OSBPL3: variants seen among roughly 807,000 people sequenced by gnomAD.
OSBPL3 encodes the protein oxysterol-binding protein-related protein 3.
In OSBPL3, 65 loss-of-function variants were observed where a neutral mutation model predicts 120.1. The ratio of observed to expected loss-of-function variants is 0.54; its 90% CI spans 0.44 to 0.67. The LOEUF is 0.67. Among genes scored for constraint, OSBPL3 ranks in the 30% least tolerant of loss-of-function variants. The pLI, the probability that OSBPL3 is intolerant of heterozygous loss-of-function variation, is 0.00. For missense variants in OSBPL3, 1,004 were observed against 1,082.1 expected (o/e 0.93, Z 1.01); for synonymous variants, 416 against 402.6 (o/e 1.03, Z -0.40).
intron 12 of OSBPL3, among the ~76,000 whole-genome samples, chr7:24,848,169 C>CGAAG (rs1295798472): frequency 8.5e-5 from 13 of 152,148 alleles, no homozygotes; most frequent in African/African-American, 2.9e-4. Flanking sequence ...ACAATGGCTT[C>CGAAG]CCAAGGAGTG....
Position 24,822,873 on chromosome 7 carries a change from G to C in OSBPL3, c.1885-2635C>G, listed in dbSNP as rs947437929. ...ATGAATGTTTAGCAGATTATGTTTA[G>C]ATGGGTTCAACACATTTTCTGAATA... is the stretch of plus-strand genomic sequence containing the variant. On this transcript the variant is annotated intron_variant, in intron 16 of 22. Coordinates refer to ENST00000313367, the MANE Select transcript of OSBPL3 (RefSeq NM_015550.4). The surrounding 1 kb of genome is among the most constrained non-coding windows in gnomAD (Gnocchi z 5.8). Among the ~76,000 whole-genome samples, 3 of 152,160 alleles carry C rather than the reference G, an allele frequency of 2.0e-5. No homozygotes were observed. The highest frequency in any genetic ancestry group is 4.4e-5 in the Non-Finnish European group (3 of 68,036).
intron 13 of OSBPL3, among the ~76,000 whole-genome samples, chr7:24,841,937 T>C (rs1032431404): frequency 6.6e-6 from 1 of 151,444 alleles, no homozygotes; most frequent in Non-Finnish European, 1.5e-5. Flanking sequence ...CACTTGAACC[T>C]GGGAGCCGGA....
At position 24,867,051 on chromosome 7, in the gene OSBPL3, C is replaced by T. The variant is rs544146518; in HGVS notation, c.382-814G>A. On this transcript the variant is annotated intron_variant, in intron 5 of 22. Transcript: ENST00000313367. The surrounding 1 kb of genome is among the most constrained non-coding windows in gnomAD (Gnocchi z 4.5). ...TCCTGACCTGGTGATCTGCCCGCCTCGGCCTCCCAAAGTGCTGGGATTACA... is the reference window on the plus strand; with the variant it reads ...TCCTGACCTGGTGATCTGCCCGCCTTGGCCTCCCAAAGTGCTGGGATTACA... 4.6e-5 allele frequency among the ~76,000 whole-genome samples: 7 copies of T among 152,344 alleles called. No individual in the cohort carries two copies. The highest frequency in any genetic ancestry group is 2.0e-4 in the Admixed American group (3 of 15,314).
chr7:24,931,566 T>C (rs377192886), intron 1 of OSBPL3, among the ~76,000 whole-genome samples: 5 of 152,178 alleles, frequency 3.3e-5, no homozygotes, highest in African/African-American at 9.7e-5. Flanking sequence ...AGAAAAAGCA[T>C]GGAAGTGAAT....
At chr7:24,971,405 C>A (rs1817009926) in intron 1 of OSBPL3, among the ~76,000 whole-genome samples, 1 of 152,222 alleles carries the variant, frequency 6.6e-6, no homozygotes, top group African/African-American at 2.4e-5. Flanking sequence ...GAGAGGCAAG[C>A]CCGGGCACAG....
chr7:24,945,934 T>A (rs974465605), intron 1 of OSBPL3, among the ~76,000 whole-genome samples: 2 of 152,206 alleles, frequency 1.3e-5, no homozygotes, highest in Non-Finnish European at 2.9e-5. Flanking sequence ...TAGCAGCTAT[T>A]TTATCTGGCT....
rs527605070 is a variant in OSBPL3 at position 24,899,798 on chromosome 7, CAA to C, written c.-149-7179_-149-7178del. On this transcript the variant is annotated intron_variant, in intron 1 of 22. Transcript: ENST00000313367. This position sits in a 1 kb window ranked among gnomAD's most constrained non-coding sequence, Gnocchi z 4.0. The stretch of plus-strand genomic sequence containing the variant: ...TCAAAGTGTCCAGATCCACCTTCTT[CAA>C]AGTCTTCCGGATTCTTATTTAAGAT... Among the ~76,000 whole-genome samples the C allele has an allele frequency of 9.7e-4, 148 of 152,362 alleles. No homozygotes were observed. Among genetic ancestry groups the C allele is most frequent in the African/African-American group, 3.4e-3 (142 of 41,580 alleles).
Position 24,800,250 on chromosome 7 carries a change from T to C in OSBPL3, c.2597A>G (p.Asn866Ser). Residue 866 changes from asparagine to serine, a missense_variant, in exon 23 of 23, where the codon AAC becomes AGC. Asn to Ser is a conservative substitution (Grantham distance 46). Transcript: ENST00000313367. ...TTTTCTAAGTTCCAAATAGGTGCCG[T>C]TGCTCACCCAAGAGTCATCGTCGGA... ...RKSDDDSWVS[N>S]GTYLELRKDL... is the part of the protein sequence containing the mutation. 2 of 1,611,980 alleles carry C rather than the reference T, an allele frequency of 1.2e-6. No homozygotes were observed. The highest frequency in any genetic ancestry group is 1.7e-6 in the Non-Finnish European group (2 of 1,178,180).
At position 24,820,112 on chromosome 7, in the gene OSBPL3, G is replaced by T; in HGVS notation, c.1948+63C>A. On this transcript the variant is annotated intron_variant, in intron 17 of 22. Transcript: ENST00000313367. The surrounding 1 kb of genome is among the most constrained non-coding windows in gnomAD (Gnocchi z 4.6). ...TCAGTAAGAATTGACAGCAATTCTT[G>T]GATAAAATAAATAGATAACATATTA... 8 of 1,219,980 alleles carry T rather than the reference G, an allele frequency of 6.6e-6. No homozygotes were observed. The highest frequency in any genetic ancestry group is 7.1e-6 in the Non-Finnish European group (6 of 840,602). 75.6% of individuals were successfully genotyped at this position (1,219,980 alleles called of 1,614,324 possible).
At chr7:24,847,728 G>A (rs1798614437) in intron 12 of OSBPL3, among the ~76,000 whole-genome samples, 1 of 152,152 alleles carries the variant, frequency 6.6e-6, no homozygotes, top group African/African-American at 2.4e-5. Context: ...CTGAAAACAT[G>A]CACAAACTCC....
In OSBPL3 at chr7:24,831,452, A is replaced by C. The variant is rs1796354652; in HGVS notation, c.1747-547T>G. 6.6e-6 allele frequency among the ~76,000 whole-genome samples: 1 copy of C among 152,196 alleles called. No individual in the cohort carries two copies. Among genetic ancestry groups the C allele is most frequent in the Non-Finnish European group, 1.5e-5 (1 of 68,026 alleles). On this transcript the variant is annotated intron_variant, in intron 15 of 22. Transcript: ENST00000313367. The surrounding 1 kb of genome is among the most constrained non-coding windows in gnomAD (Gnocchi z 4.0). ...GGGAAACAAGCCACAGGATATAGTG[A>C]CTTTAAAGTTCTGCTTTTTTGGGAG...
At chr7:24,942,518 C>G (rs1343915863) in intron 1 of OSBPL3, among the ~76,000 whole-genome samples, 2 of 152,158 alleles carry the variant, frequency 1.3e-5, no homozygotes, top group African/African-American at 4.8e-5. Flanking sequence ...ATCCTGCTAT[C>G]AGGTCTCATC....
chr7:24,911,771 A>G (rs1808856980), intron 1 of OSBPL3, among the ~76,000 whole-genome samples: 1 of 152,208 alleles, frequency 6.6e-6, no homozygotes, highest in East Asian at 1.9e-4. Flanking sequence ...AGGAAGTTTT[A>G]CTCACTTCTA....
chr7:24,949,851 C>T (rs140198930), intron 1 of OSBPL3, among the ~76,000 whole-genome samples: 1 of 152,348 alleles, frequency 6.6e-6, no homozygotes, highest in Non-Finnish European at 1.5e-5. Flanking sequence ...GCTCCCTCAG[C>T]GCTGCTTCCT....
chr7:24,871,083 G>A lies in OSBPL3; in HGVS notation c.268-238C>T, dbSNP rs1802040755. Among the ~76,000 whole-genome samples, 1 of 152,200 alleles carries A rather than the reference G, an allele frequency of 6.6e-6. No homozygotes were observed. Among genetic ancestry groups the A allele is most frequent in the African/African-American group, 2.4e-5 (1 of 41,468 alleles). ...AGAAACTGGAGTACAAAGGGGTTAA[G>A]TAACAAGCAGTTTACACAGCCAGGA... On this transcript the variant is annotated intron_variant, in intron 4 of 22. Coordinates refer to ENST00000313367, the MANE Select transcript of OSBPL3 (RefSeq NM_015550.4). The surrounding 1 kb of genome is among the most constrained non-coding windows in gnomAD (Gnocchi z 4.8).
At chr7:24,823,938 T>A (rs1340137519) in intron 16 of OSBPL3, among the ~76,000 whole-genome samples, 1 of 152,226 alleles carries the variant, frequency 6.6e-6, no homozygotes, top group Non-Finnish European at 1.5e-5. Context: ...AGGATTTTGG[T>A]TGAGTCTGTA....
Position 24,947,992 on chromosome 7 carries a change from C to A in OSBPL3, c.-150+31894G>T. 6.6e-6 allele frequency among the ~76,000 whole-genome samples: 1 copy of A among 152,078 alleles called. No individual in the cohort carries two copies. Among genetic ancestry groups the A allele is most frequent in the East Asian group, 1.9e-4 (1 of 5,198 alleles). On this transcript the variant is annotated intron_variant, in intron 1 of 22. Coordinates refer to ENST00000313367, the MANE Select transcript of OSBPL3 (RefSeq NM_015550.4). The surrounding 1 kb of genome is among the most constrained non-coding windows in gnomAD (Gnocchi z 4.4). ...TTTAATCCAATGTTCATTTCTAAAT[C>A]TTTTTCAAGAAATAAAAAAATCAAA...
At chr7:24,870,679 T>G (rs558783025) in intron 5 of OSBPL3, 53 bp downstream of exon 5, 1 of 1,102,020 alleles carries the variant, frequency 9.1e-7, no homozygotes, top group Non-Finnish European at 1.4e-6. Flanking sequence ...GTATAATAAC[T>G]GATGATACTT....
At chr7:24,904,963 A>G (rs1019984696) in intron 1 of OSBPL3, among the ~76,000 whole-genome samples, 22 of 84,566 alleles carry the variant, frequency 2.6e-4, no homozygotes, top group African/African-American at 9.3e-4. Flanking sequence ...GTGTGTGTGA[A>G]TAAAGTTAAG....
Sources: gnomAD v4.1 joint callset for allele counts (sites outside exome capture counted in the v4.1 genomes callset) on GRCh38, gnomAD v4.1.1 for gene constraint, Gnocchi (gnomAD v3.1) non-coding constraint, MANE v1.5 for transcripts, NCBI Gene and HGNC (gene_info 2026-07-23, HGNC 2026-07-21) for gene names.